The following MORN1 variants were observed in gnomAD, a reference collection of about 807,000 sequenced individuals.
MORN1 encodes the protein MORN repeat containing 1.
In MORN1, 67 loss-of-function variants were observed where a neutral mutation model predicts 61.9. The observed-to-expected ratio is 1.08, with a 90% CI of 0.89 to 1.33. The LOEUF is 1.33. Among genes scored for constraint, MORN1 ranks in the 40% most tolerant of loss-of-function variants. The pLI is 0.00. For synonymous variants in MORN1, 301 were observed against 292.0 expected, an observed-to-expected ratio of 1.03 and a Z score of -0.31; for missense variants, 752 against 691.2, an observed-to-expected ratio of 1.09 and a Z score of -0.99.
chr1:2,391,447 G>A lies in MORN1; in HGVS notation c.76+11C>T. 3 of 1,256,628 alleles carry A rather than the reference G, an allele frequency of 2.4e-6. No individual in the cohort carries two copies. Among genetic ancestry groups the A allele is most frequent in the Admixed American group, 8.4e-5 (2 of 23,822 alleles). The allele number at this position is 1,256,628 out of a possible 1,614,324, so 77.8% of individuals were successfully genotyped here. ...CAGCCAGCGACCTGTCCCGTGGCCC[G>A]CAGTCGTTACCGTTCCGGGGCGGCC... On this transcript the variant is annotated intron_variant, in intron 1 of 13. Transcript: ENST00000378531.
intron 12 of MORN1, 82 bp downstream of exon 12, chr1:2,336,387 C>T: frequency 1.4e-6 from 2 of 1,431,778 alleles, no homozygotes; most frequent in Non-Finnish European, 1.9e-6. Context: ...TCCCCTGGGC[C>T]TTCCCCGTCC....
At chr1:2,331,014 A>C (rs942219621) in intron 12 of MORN1, among the ~76,000 whole-genome samples, 1 of 152,220 alleles carries the variant, frequency 6.6e-6, no homozygotes, top group African/African-American at 2.4e-5. Flanking sequence ...GCAGGAACGC[A>C]GCCAGAGGCC....
intron 8 of MORN1, among the ~76,000 whole-genome samples, chr1:2,369,355 G>GA (rs55703845): frequency 0.44 from 35,132 of 80,586 alleles, 6,166 homozygotes; most frequent in Middle Eastern, 0.56. Flanking sequence ...CTCAGTCTCA[G>GA]AAAAAAAAAA....
At chr1:2,366,782 C>T (rs751731900) in intron 8 of MORN1, among the ~76,000 whole-genome samples, 19 of 152,062 alleles carry the variant, frequency 1.2e-4, no homozygotes, top group Admixed American at 4.6e-4. Context: ...GTGATGTGCT[C>T]GCCTCAGCCT....
chr1:2,324,580 C>G (rs956071288), intron 12 of MORN1, among the ~76,000 whole-genome samples: 3 of 152,154 alleles, frequency 2.0e-5, no homozygotes, highest in African/African-American at 7.2e-5. Context: ...GCAAGAGGGA[C>G]CAGGAGGCCC....
At chr1:2,390,820 C>T (rs1175803387) in intron 1 of MORN1, 2 of 862,378 alleles carry the variant, frequency 2.3e-6, no homozygotes, top group South Asian at 5.3e-5. Flanking sequence ...GCGATCTCGG[C>T]TCTCTGCAAC....
intron 10 of MORN1, among the ~76,000 whole-genome samples, chr1:2,341,219 G>T (rs1434652285): frequency 6.6e-6 from 1 of 152,086 alleles, no homozygotes; most frequent in Non-Finnish European, 1.5e-5. Context: ...TCCCTGTCTT[G>T]TCCCCAGCGG....
At chr1:2,385,934 C>A in intron 4 of MORN1, 37 bp from the exon 5 acceptor site, 1 of 1,568,764 alleles carries the variant, frequency 6.4e-7, no homozygotes. Flanking sequence ...TGGCTTTGTG[C>A]CTCCTCCTGC....
At chr1:2,383,349 G>T (rs1642414736) in intron 6 of MORN1, among the ~76,000 whole-genome samples, 1 of 152,166 alleles carries the variant, frequency 6.6e-6, no homozygotes, top group South Asian at 2.1e-4. Context: ...GGAGTTTCCT[G>T]AGAAGTAGCT....
Position 2,336,454 on chromosome 1 carries a change from G to T in MORN1, c.1250+15C>A. The T allele has an allele frequency of 6.2e-7, 1 of 1,608,790 alleles. No homozygotes were observed. The highest frequency in any genetic ancestry group is 1.1e-5 in the South Asian group (1 of 90,926). On this transcript the variant is annotated intron_variant, in intron 12 of 13. Coordinates refer to ENST00000378531, the MANE Select transcript of MORN1 (RefSeq NM_024848.3). ...GACCCTCCGAACACCTGCAGGTGGG[G>T]TGGGCTCATCCTACCTGCTGCCTCC...
At chr1:2,358,111 C>T (rs773240718) in intron 9 of MORN1, among the ~76,000 whole-genome samples, 1 of 152,148 alleles carries the variant, frequency 6.6e-6, no homozygotes, top group Non-Finnish European at 1.5e-5. Flanking sequence ...CCTCTGTTTG[C>T]GTGTGGGTTT....
At chr1:2,330,912 C>T (rs1641134283) in intron 12 of MORN1, among the ~76,000 whole-genome samples, 1 of 152,352 alleles carries the variant, frequency 6.6e-6, no homozygotes, top group Non-Finnish European at 1.5e-5. Flanking sequence ...AAACCGAGTC[C>T]TTCTTCTGCA....
At chr1:2,324,876 G>A (rs1640967143) in intron 12 of MORN1, among the ~76,000 whole-genome samples, 1 of 151,986 alleles carries the variant, frequency 6.6e-6, no homozygotes, top group African/African-American at 2.4e-5. Flanking sequence ...CTGGGGCAGG[G>A]CCATGGCCAG....
At chr1:2,358,146 G>A (rs1291660192) in intron 9 of MORN1, among the ~76,000 whole-genome samples, 2 of 152,176 alleles carry the variant, frequency 1.3e-5, no homozygotes, top group Non-Finnish European at 2.9e-5. Context: ...CTGGTCCAGC[G>A]TGTTCCTGGG....
rs532354526 is a variant in MORN1 at position 2,333,266 on chromosome 1, G to A, written c.1250+3203C>T. Among the ~76,000 whole-genome samples the A allele has an allele frequency of 1.2e-4, 18 of 152,358 alleles. No homozygotes were observed. The South Asian group carries it at 2.5e-3, about 21-fold the overall frequency. On this transcript the variant is annotated intron_variant, in intron 12 of 13. Coordinates refer to ENST00000378531, the MANE Select transcript of MORN1 (RefSeq NM_024848.3). ...GCCCCGCTGCAACAGGCCGGGGACAGGCCCCACATCCTCTGTGCCCAGCAG... is the reference window on the plus strand; with the variant it reads ...GCCCCGCTGCAACAGGCCGGGGACAAGCCCCACATCCTCTGTGCCCAGCAG...
chr1:2,372,570 A>T lies in MORN1; in HGVS notation c.656T>A (p.Ile219Asn). The T allele has an allele frequency of 1.9e-6, 3 of 1,613,472 alleles. No individual in the cohort carries two copies. Among genetic ancestry groups the T allele is most frequent in the Non-Finnish European group, 2.5e-6 (3 of 1,179,870 alleles). The change falls in exon 8 of 14, where the codon ATC becomes AAC. Residue 219 changes from isoleucine to asparagine, a missense_variant. Physicochemically the swap from Ile to Asn is moderately radical, Grantham distance 149 (BLOSUM62 -3). Coordinates refer to ENST00000378531, the MANE Select transcript of MORN1 (RefSeq NM_024848.3). This position sits in a 1 kb window ranked among gnomAD's most constrained non-coding sequence, Gnocchi z 5.4. ...HPAEQATRIV[I>N]LGPEVMEVAQ... ...CACTTCCATCACCTCCGGACCCAAG[A>T]TCACGATCCTCGTAGCTTGTTCTGG...
chr1:2,322,304 T>C, intron 13 of MORN1: 1 of 985,180 alleles, frequency 1.0e-6, no homozygotes, highest in Non-Finnish European at 1.2e-6. Flanking sequence ...CACCGGAGCG[T>C]GGAAAAAGCG....
At chr1:2,379,167 G>A (rs1557890675) in intron 6 of MORN1, 2 of 471,132 alleles carry the variant, frequency 4.2e-6, no homozygotes, top group Admixed American at 2.3e-5. Flanking sequence ...TGAGCTCATG[G>A]TGCCTGGGTA....
chr1:2,390,750 CTCT>C (rs1283877550), intron 1 of MORN1: 50 of 984,248 alleles, frequency 5.1e-5, no homozygotes, highest in Non-Finnish European at 5.8e-5. Flanking sequence ...TCAAAACCTG[CTCT>C]TTTTTTTTTT....
Sources: gnomAD v4.1 joint callset for allele counts (sites outside exome capture counted in the v4.1 genomes callset) on GRCh38, gnomAD v4.1.1 for gene constraint, Gnocchi (gnomAD v3.1) non-coding constraint, MANE v1.5 for transcripts, NCBI Gene and HGNC (gene_info 2026-07-23, HGNC 2026-07-21) for gene names.